DLGAP2: variants seen among roughly 807,000 people sequenced by gnomAD.
The protein encoded by DLGAP2 is disks large-associated protein 2.
In DLGAP2, 26 loss-of-function variants were observed where a neutral mutation model predicts 100.3. The ratio of observed to expected loss-of-function variants is 0.26; its 90% CI spans 0.19 to 0.36. The LOEUF (loss-of-function observed/expected upper bound fraction) is 0.36, where lower values mean the gene tolerates loss of function less well. DLGAP2 is among the 10% of genes least tolerant of loss of function. The probability of loss-of-function intolerance (pLI) is 1.00; values close to 1 mark genes in which losing one functional copy is unlikely to be tolerated. For missense variants in DLGAP2, 1,858 were observed against 1,453.2 expected (o/e 1.28, Z -4.53); for synonymous variants, 886 against 630.1 (o/e 1.41, Z -6.08).
chr8:1,422,292 A>C (rs900885115), intron 3 of DLGAP2, among the ~76,000 whole-genome samples: 2 of 152,224 alleles, frequency 1.3e-5, no homozygotes, highest in African/African-American at 2.4e-5. Flanking sequence ...ATGTCATTCT[A>C]GTTTTCACAA....
intron 4 of DLGAP2, among the ~76,000 whole-genome samples, chr8:1,523,155 G>C (rs908937847): frequency 2.6e-5 from 4 of 152,176 alleles, no homozygotes; most frequent in African/African-American, 9.6e-5. Flanking sequence ...TGGGGGGCGG[G>C]AGTGAGGAAA....
chr8:779,812 C>G (rs1477851289), intron 1 of DLGAP2, among the ~76,000 whole-genome samples: 1 of 152,154 alleles, frequency 6.6e-6, no homozygotes, highest in Non-Finnish European at 1.5e-5. Flanking sequence ...GTCTTCCAGT[C>G]TTGCCTGCAT....
chr8:1,637,751 G>A (rs930478833), intron 8 of DLGAP2, among the ~76,000 whole-genome samples: 11 of 152,210 alleles, frequency 7.2e-5, no homozygotes, highest in African/African-American at 2.4e-4. Context: ...CTGAAGTCCT[G>A]AGCATTGGCC....
chr8:1,612,735 A>G (rs1337161898), intron 6 of DLGAP2, among the ~76,000 whole-genome samples: 3 of 131,032 alleles, frequency 2.3e-5, no homozygotes, highest in African/African-American at 5.8e-5. Context: ...GGAGAAGGAC[A>G]TGAACAGACA....
chr8:1,206,842 C>G (rs1798007064), intron 2 of DLGAP2, among the ~76,000 whole-genome samples: 1 of 152,212 alleles, frequency 6.6e-6, no homozygotes, highest in Non-Finnish European at 1.5e-5. Flanking sequence ...GTCGCTGACA[C>G]AGCAAGGTTT....
chr8:1,174,665 T>TCATCAC (rs1383622808), intron 2 of DLGAP2, among the ~76,000 whole-genome samples: 19 of 149,782 alleles, frequency 1.3e-4, no homozygotes, highest in African/African-American at 4.4e-4. Context: ...ATCATTGTCA[T>TCATCAC]CATCACCATC....
At chr8:761,692 C>G (rs1028385758) in intron 1 of DLGAP2, among the ~76,000 whole-genome samples, 1 of 152,208 alleles carries the variant, frequency 6.6e-6, no homozygotes, top group South Asian at 2.1e-4. Flanking sequence ...GTGTCAGGCA[C>G]TCCTGGAACC....
chr8:1,095,726 A>C (rs947159916), intron 2 of DLGAP2, among the ~76,000 whole-genome samples: 1 of 152,202 alleles, frequency 6.6e-6, no homozygotes, highest in Non-Finnish European at 1.5e-5. Flanking sequence ...AGAAAGCTCT[A>C]CTGAGGCTCT....
At chr8:752,527 T>C (rs1563412024) in intron 1 of DLGAP2, among the ~76,000 whole-genome samples, 1 of 151,882 alleles carries the variant, frequency 6.6e-6, no homozygotes, top group Non-Finnish European at 1.5e-5. Context: ...GGGCTCGGTG[T>C]GGGGTCAGCA....
At chr8:1,206,533 G>T (rs1797996689) in intron 2 of DLGAP2, among the ~76,000 whole-genome samples, 1 of 150,892 alleles carries the variant, frequency 6.6e-6, no homozygotes, top group Admixed American at 6.6e-5. Flanking sequence ...TCCGTGGACT[G>T]GGGTAGACTG....
intron 6 of DLGAP2, among the ~76,000 whole-genome samples, chr8:1,575,722 G>A (rs1194369057): frequency 2.7e-5 from 4 of 147,040 alleles, no homozygotes; most frequent in African/African-American, 1.0e-4. Flanking sequence ...TGTGGTGTTT[G>A]GTTTTTTGTT....
chr8:1,583,010 G>A (rs542608555), intron 6 of DLGAP2, among the ~76,000 whole-genome samples: 52 of 152,298 alleles, frequency 3.4e-4, no homozygotes, highest in African/African-American at 9.6e-4. Context: ...AAAGTGAGAC[G>A]CACTGACCCA....
rs544940933 is a variant in DLGAP2, at chr8:1,361,059, G to A, written c.106+102176G>A. On this transcript the variant is annotated intron_variant, in intron 3 of 14. Coordinates refer to ENST00000637795, the MANE Select transcript of DLGAP2 (RefSeq NM_001346810.2). Reference sequence around the variant, plus strand: ...CTGTGATCCTTTCCTTTTAAGCTTTGTGTGGGCAGTGGCCGGGACCAGCCC... The same window carrying A: ...CTGTGATCCTTTCCTTTTAAGCTTTATGTGGGCAGTGGCCGGGACCAGCCC... Among the ~76,000 whole-genome samples, 414 of 152,338 alleles carry A rather than the reference G, an allele frequency of 2.7e-3. 2 individuals carry two copies. Among genetic ancestry groups the A allele is most frequent in the Non-Finnish European group, 4.9e-3 (330 of 68,030 alleles).
At chr8:964,880 C>T (rs1799809908) in intron 2 of DLGAP2, among the ~76,000 whole-genome samples, 1 of 152,188 alleles carries the variant, frequency 6.6e-6, no homozygotes, top group African/African-American at 2.4e-5. Flanking sequence ...TGGCCATGCT[C>T]CGGGGGGTAC....
intron 6 of DLGAP2, among the ~76,000 whole-genome samples, chr8:1,598,077 G>C (rs183183688): frequency 2.0e-5 from 3 of 152,200 alleles, no homozygotes; most frequent in African/African-American, 7.2e-5. Context: ...GCATGAAGCA[G>C]TGTCGAATTT....
chr8:1,490,349 C>G lies in DLGAP2; in HGVS notation c.107-11017C>G, dbSNP rs552612507. Among the ~76,000 whole-genome samples the G allele has an allele frequency of 2.0e-5, 3 of 152,336 alleles. No individual in the cohort carries two copies. The South Asian group carries it at 6.2e-4, about 32-fold the overall frequency. ...TGAAAAGGCGCCTGTGGAGAAGGAA[C>G]AGAAGCCAATCTCAGGCATCCATCA... On this transcript the variant is annotated intron_variant, in intron 3 of 14. Coordinates refer to ENST00000637795, the MANE Select transcript of DLGAP2 (RefSeq NM_001346810.2).
intron 1 of DLGAP2, among the ~76,000 whole-genome samples, chr8:751,486 G>C (rs1820787425): frequency 6.6e-6 from 1 of 152,236 alleles, no homozygotes; most frequent in East Asian, 1.9e-4. Context: ...TTTCCCCGGG[G>C]ACATTACGGA....
chr8:1,321,985 G>A (rs1270047500), intron 3 of DLGAP2, among the ~76,000 whole-genome samples: 1 of 152,144 alleles, frequency 6.6e-6, no homozygotes, highest in Non-Finnish European at 1.5e-5. Context: ...AAGCCCTGAA[G>A]CGTGCTTAAA....
chr8:1,141,058 G>A (rs924921582), intron 2 of DLGAP2, among the ~76,000 whole-genome samples: 7 of 152,154 alleles, frequency 4.6e-5, no homozygotes. Flanking sequence ...GTTTCCTTGG[G>A]TCTGTCTTTG....
Sources: gnomAD v4.1 joint callset for allele counts (sites outside exome capture counted in the v4.1 genomes callset) on GRCh38, gnomAD v4.1.1 for gene constraint, MANE v1.5 for transcripts, NCBI Gene and HGNC (gene_info 2026-07-23, HGNC 2026-07-21) for gene names.